The following AGBL4 variants were observed in gnomAD, a reference collection of about 807,000 sequenced individuals.
AGBL4 encodes the protein cytosolic carboxypeptidase 6.
In AGBL4, 58 loss-of-function variants were observed where a neutral mutation model predicts 66.4. The observed-to-expected ratio is 0.87, with a 90% CI of 0.71 to 1.09. The LOEUF is 1.09. AGBL4 is among the 50% of genes least tolerant of loss of function. The pLI is 0.00. For synonymous variants in AGBL4, 234 were observed against 222.9 expected, an observed-to-expected ratio of 1.05 and a Z score of -0.44; for missense variants, 579 against 631.0, an observed-to-expected ratio of 0.92 and a Z score of 0.88.
downstream of AGBL4, among the ~76,000 whole-genome samples, chr1:48,528,523 T>G (rs1399831598): frequency 1.3e-5 from 2 of 152,068 alleles, no homozygotes; most frequent in African/African-American, 4.8e-5. Flanking sequence ...TGTCGAGGTC[T>G]GGGGCTGAAC....
intron 3 of AGBL4, among the ~76,000 whole-genome samples, chr1:49,426,135 A>G (rs1183382128): frequency 2.0e-5 from 3 of 152,218 alleles, no homozygotes; most frequent in Non-Finnish European, 4.4e-5. Context: ...ATAAACGCAT[A>G]TTGAAATATT....
chr1:49,410,916 A>T (rs1280863675), intron 3 of AGBL4, among the ~76,000 whole-genome samples: 1 of 152,222 alleles, frequency 6.6e-6, no homozygotes, highest in Non-Finnish European at 1.5e-5. Flanking sequence ...AGGGCTTTAT[A>T]GTGAGTTACA....
At chr1:48,892,375 T>G (rs1276694165) in intron 5 of AGBL4, among the ~76,000 whole-genome samples, 1 of 152,206 alleles carries the variant, frequency 6.6e-6, no homozygotes, top group Non-Finnish European at 1.5e-5. Flanking sequence ...TTTTTTAATT[T>G]AGAAAGTTTA....
intron 1 of AGBL4, among the ~76,000 whole-genome samples, chr1:49,991,797 G>T (rs1012238684): frequency 6.6e-6 from 1 of 151,920 alleles, no homozygotes; most frequent in Non-Finnish European, 1.5e-5. Flanking sequence ...TCTCTGGAGA[G>T]ACAACATCAT....
At chr1:49,988,664 G>A (rs1480972691) in intron 1 of AGBL4, among the ~76,000 whole-genome samples, 1 of 152,118 alleles carries the variant, frequency 6.6e-6, no homozygotes, top group Non-Finnish European at 1.5e-5. Context: ...CTTAAGTACT[G>A]TAGTTCTAAA....
At chr1:49,037,697 C>T (rs1362300552) in intron 5 of AGBL4, among the ~76,000 whole-genome samples, 2 of 151,992 alleles carry the variant, frequency 1.3e-5, no homozygotes, top group East Asian at 3.9e-4. Flanking sequence ...CCTTCTCTGC[C>T]CACTACTTGT....
At chr1:49,117,607 A>C (rs651274) in intron 4 of AGBL4, among the ~76,000 whole-genome samples, 2 of 152,216 alleles carry the variant, frequency 1.3e-5, no homozygotes, top group African/African-American at 4.8e-5. Context: ...CTACCATGCT[A>C]TTTTGGTTAC....
chr1:49,779,778 A>C (rs1272094248), intron 2 of AGBL4, among the ~76,000 whole-genome samples: 1 of 152,158 alleles, frequency 6.6e-6, no homozygotes, highest in Non-Finnish European at 1.5e-5. Context: ...TTGGGCCATA[A>C]AGGCTACACA....
At chr1:49,541,613 C>A (rs547509650) in intron 3 of AGBL4, among the ~76,000 whole-genome samples, 5 of 152,240 alleles carry the variant, frequency 3.3e-5, no homozygotes, top group African/African-American at 1.2e-4. Flanking sequence ...CCTGAGCCTC[C>A]CCCCTGCTGT....
chr1:49,489,039 G>A (rs193041509), intron 3 of AGBL4, among the ~76,000 whole-genome samples: 5 of 151,530 alleles, frequency 3.3e-5, no homozygotes, highest in African/African-American at 7.3e-5. Context: ...CTATCTTTTC[G>A]GTATATATCT....
intron 12 of AGBL4, 139 bp from the exon 13 acceptor site, chr1:48,535,055 T>C: frequency 1.2e-6 from 1 of 835,060 alleles, no homozygotes; most frequent in Admixed American, 2.6e-5. Context: ...TATGTTTTTA[T>C]GGGGAAAAAG....
chr1:49,138,593 C>T (rs1646059352), intron 4 of AGBL4, among the ~76,000 whole-genome samples: 1 of 152,148 alleles, frequency 6.6e-6, no homozygotes, highest in Non-Finnish European at 1.5e-5. Flanking sequence ...GCAATGCTGT[C>T]CTCATCCTAT....
chr1:49,115,769 C>A (rs950975280), intron 4 of AGBL4, among the ~76,000 whole-genome samples: 2 of 152,198 alleles, frequency 1.3e-5, no homozygotes, highest in South Asian at 2.1e-4. Context: ...ATACAAATCC[C>A]CCCCCATTTT....
At chr1:49,764,850 C>A (rs1571516762) in intron 2 of AGBL4, among the ~76,000 whole-genome samples, 1 of 152,264 alleles carries the variant, frequency 6.6e-6, no homozygotes, top group African/African-American at 2.4e-5. Context: ...TAGGTGTTTC[C>A]TGTGGCTCTC....
intron 3 of AGBL4, among the ~76,000 whole-genome samples, chr1:49,267,117 TAGTG>T: frequency 6.6e-6 from 1 of 152,304 alleles, no homozygotes; most frequent in African/African-American, 2.4e-5. Context: ...GCTTTGGGTA[TAGTG>T]CACAGAGGAC....
intron 2 of AGBL4, among the ~76,000 whole-genome samples, chr1:49,720,974 G>A (rs1436541467): frequency 6.6e-6 from 1 of 152,108 alleles, no homozygotes; most frequent in African/African-American, 2.4e-5. Context: ...GGCGAAGCCA[G>A]CTGGACTTCC....
chr1:49,264,063 T>A (rs1653494083), intron 3 of AGBL4, among the ~76,000 whole-genome samples: 1 of 152,142 alleles, frequency 6.6e-6, no homozygotes, highest in African/African-American at 2.4e-5. Context: ...TATACTTATA[T>A]ATAATCCAAG....
intron 2 of AGBL4, among the ~76,000 whole-genome samples, chr1:49,724,760 C>A (rs1007711852): frequency 1.3e-5 from 2 of 151,908 alleles, no homozygotes; most frequent in Non-Finnish European, 2.9e-5. Flanking sequence ...GAAGAGACAC[C>A]AGAAAGATAT....
chr1:49,333,650 C>T (rs1375134396), intron 3 of AGBL4, among the ~76,000 whole-genome samples: 1 of 152,030 alleles, frequency 6.6e-6, no homozygotes, highest in Admixed American at 6.6e-5. Flanking sequence ...ATAAATAGAT[C>T]AATAATGACA....
Sources: gnomAD v4.1 joint callset for allele counts (sites outside exome capture counted in the v4.1 genomes callset) on GRCh38, gnomAD v4.1.1 for gene constraint, MANE v1.5 for transcripts, NCBI Gene and HGNC (gene_info 2026-07-23, HGNC 2026-07-21) for gene names.